Variants in GPR89B observed in about 807,000 individuals in gnomAD.
GPR89B encodes G protein-coupled receptor 89B.
Under a neutral mutation model 52.4 loss-of-function variants are expected in GPR89B, and 25 were observed. The observed-to-expected ratio is 0.48, with a 90% CI of 0.35 to 0.67. The LOEUF (loss-of-function observed/expected upper bound fraction) is 0.67. Among genes scored for constraint, GPR89B ranks in the 30% least tolerant of loss-of-function variants. GPR89B has a pLI of 0.01. For missense variants in GPR89B, 146 were observed against 450.2 expected (o/e 0.32, Z 6.11); for synonymous variants, 52 against 151.2 (o/e 0.34, Z 4.81).
At position 147,980,592 on chromosome 1, in the gene GPR89B, G is replaced by C. The variant is rs1378354904; in HGVS notation, c.910-5607G>C. On this transcript the variant is annotated intron_variant, in intron 10 of 13. Transcript: ENST00000314163. The stretch of plus-strand genomic sequence containing the variant: ...ACATACAATACAATATACTCATTTA[G>C]TGTATGATGCAGTAGTTCTTAATAT... Among the ~76,000 whole-genome samples, 102 of 143,088 alleles carry C rather than the reference G, an allele frequency of 7.1e-4. 1 individual carries two copies. The highest frequency in any genetic ancestry group is 1.3e-3 in the Admixed American group (18 of 14,218). 93.9% of individuals were successfully genotyped at this position (143,088 alleles called of 152,430 possible).
chr1:148,019,713 T>C, the GPR89B span, among the ~76,000 whole-genome samples: 1 of 151,890 alleles, frequency 6.6e-6, no homozygotes, highest in African/African-American at 2.4e-5. Flanking sequence ...CCGACAAAAG[T>C]AAACAGCAAA....
the GPR89B span, among the ~76,000 whole-genome samples, chr1:148,001,769 C>A: frequency 6.7e-6 from 1 of 149,682 alleles, no homozygotes; most frequent in South Asian, 2.1e-4. Flanking sequence ...AATCCTGTTA[C>A]TAAAAGCATC....
chr1:147,990,488 A>T (rs1415072159), intron 12 of GPR89B, among the ~76,000 whole-genome samples: 1 of 152,046 alleles, frequency 6.6e-6, no homozygotes, highest in East Asian at 1.9e-4. Flanking sequence ...TTTTGTTGCC[A>T]TTGCTTTTGG....
At chr1:147,938,505 G>A (rs1654286874) in intron 2 of GPR89B, among the ~76,000 whole-genome samples, 1 of 146,700 alleles carries the variant, frequency 6.8e-6, no homozygotes, top group African/African-American at 2.6e-5. Context: ...TCATCCACAG[G>A]AGGATGCTGG....
the GPR89B span, among the ~76,000 whole-genome samples, chr1:148,018,588 T>A: frequency 4.0e-5 from 6 of 151,290 alleles, no homozygotes; most frequent in African/African-American, 1.5e-4. Context: ...TCTCTCATAT[T>A]GGATAGAAAA....
chr1:147,992,573 T>C lies in GPR89B; in HGVS notation c.1161+6T>C, dbSNP rs1659146586. On this transcript the variant is annotated splice_donor_region_variant and intron_variant, in intron 13 of 13. Transcript: ENST00000314163. ...TGCTATTAGCACAGATAATGGTAAGTTTAATTAGTTACCTTTATGTTGACA... is the reference window on the plus strand; with the variant it reads ...TGCTATTAGCACAGATAATGGTAAGCTTAATTAGTTACCTTTATGTTGACA... 1.2e-6 allele frequency: 2 copies of C among 1,611,594 alleles called. No homozygotes were observed. The highest frequency in any genetic ancestry group is 8.5e-7 in the Non-Finnish European group (1 of 1,179,672).
chr1:147,977,001 G>A (rs1408222520), intron 10 of GPR89B, among the ~76,000 whole-genome samples: 89 of 151,772 alleles, frequency 5.9e-4, no homozygotes, highest in South Asian at 2.3e-3. Flanking sequence ...TTGGGAGGCC[G>A]AGGCGGGCAG....
chr1:147,950,897 C>T (rs1399878999), intron 5 of GPR89B, among the ~76,000 whole-genome samples: 4 of 152,074 alleles, frequency 2.6e-5, no homozygotes, highest in Admixed American at 6.5e-5. Flanking sequence ...AGTCCAGCTT[C>T]GGCTCAGCAT....
the GPR89B span, among the ~76,000 whole-genome samples, chr1:148,012,695 G>A: frequency 5.9e-5 from 9 of 151,872 alleles, no homozygotes; most frequent in South Asian, 2.1e-4. Context: ...CTCCGTTTCA[G>A]GAGATATTCC....
At chr1:147,999,136 A>G in the GPR89B span, among the ~76,000 whole-genome samples, 1 of 151,234 alleles carries the variant, frequency 6.6e-6, no homozygotes. Flanking sequence ...TGATAAGATC[A>G]GGAGGGGTCA....
At chr1:147,980,846 A>AG (rs1658194014) in intron 10 of GPR89B, among the ~76,000 whole-genome samples, 1 of 147,638 alleles carries the variant, frequency 6.8e-6, no homozygotes, top group African/African-American at 2.5e-5. Context: ...AAAAAAAAAA[A>AG]GAAATTCCAT....
the GPR89B span, chr1:148,009,496 T>A: frequency 1.3e-6 from 2 of 1,597,514 alleles, no homozygotes; most frequent in Non-Finnish European, 1.7e-6. Flanking sequence ...CCCAACTCTT[T>A]CAAGTCCACC....
chr1:147,948,834 A>G (rs1655238828), intron 5 of GPR89B, among the ~76,000 whole-genome samples: 1 of 150,660 alleles, frequency 6.6e-6, no homozygotes. Context: ...GTCATAGGAC[A>G]ATAGTGGAGG....
chr1:147,983,436 G>C lies in GPR89B; in HGVS notation c.910-2763G>C, dbSNP rs1424707871. Reference sequence around the variant, plus strand: ...TTTTGCAACCTACTCATCTGACAGAGGGCTAATATCCAGAATCTACAATGA... The same window carrying C: ...TTTTGCAACCTACTCATCTGACAGACGGCTAATATCCAGAATCTACAATGA... On this transcript the variant is annotated intron_variant, in intron 10 of 13. Transcript: ENST00000314163. 5.9e-5 allele frequency among the ~76,000 whole-genome samples: 9 copies of C among 152,118 alleles called. No individual in the cohort carries two copies. The East Asian group carries it at 1.4e-3, about 23-fold the overall frequency.
At chr1:147,968,185 A>G (rs1657168626) in intron 8 of GPR89B, 2 of 441,708 alleles carry the variant, frequency 4.5e-6, no homozygotes, top group Admixed American at 4.9e-5. Context: ...TGTTCTCTAA[A>G]TGGGAGAATA....
chr1:147,990,431 G>A (rs1477359738), intron 12 of GPR89B, among the ~76,000 whole-genome samples: 1 of 152,108 alleles, frequency 6.6e-6, no homozygotes. Context: ...TTCTTTTGCT[G>A]TGCAGAAGCT....
intron 7 of GPR89B, among the ~76,000 whole-genome samples, chr1:147,965,805 G>T (rs1656986908): frequency 6.6e-6 from 1 of 152,064 alleles, no homozygotes; most frequent in African/African-American, 2.4e-5. Context: ...CTCTGTATTT[G>T]GTCCTTTAGT....
At chr1:147,944,247 A>T (rs1232478852) in intron 5 of GPR89B, 149 bp downstream of exon 5, 1 of 578,544 alleles carries the variant, frequency 1.7e-6, no homozygotes, top group Admixed American at 3.5e-5. Context: ...TTGGAAAAAA[A>T]TTTTTCTGAT....
the GPR89B span, chr1:148,011,484 G>A: frequency 6.6e-6 from 1 of 152,142 alleles, no homozygotes; most frequent in South Asian, 2.1e-4. Flanking sequence ...CCTACCTTAG[G>A]CCACATCTCA....
Sources: gnomAD v4.1 joint callset for allele counts (sites outside exome capture counted in the v4.1 genomes callset) on GRCh38, gnomAD v4.1.1 for gene constraint, MANE v1.5 for transcripts, NCBI Gene and HGNC (gene_info 2026-07-23, HGNC 2026-07-21) for gene names.